PCSK5: variants seen among roughly 807,000 people sequenced by gnomAD.
PCSK5 encodes proprotein convertase subtilisin/kexin type 5.
A neutral mutation model predicts 233.2 loss-of-function variants in PCSK5; 129 were observed. The ratio of observed to expected loss-of-function variants is 0.55; its 90% confidence interval spans 0.48 to 0.64. PCSK5 has a LOEUF of 0.64. PCSK5 is among the 30% of genes least tolerant of loss of function. The pLI, the probability that PCSK5 is intolerant of heterozygous loss-of-function variation, is 0.00. For missense variants in PCSK5, 2,076 were observed against 2,430.1 expected (o/e 0.85, Z 3.06); for synonymous variants, 825 against 879.2 (o/e 0.94, Z 1.09).
chr9:76,046,653 T>C (rs7850569), intron 5 of PCSK5, among the ~76,000 whole-genome samples: 11,452 of 145,338 alleles, frequency 0.079, 1,468 homozygotes, highest in African/African-American at 0.27. Context: ...CTCTGCCTCC[T>C]GGGTTCACGG....
chr9:76,045,655 A>C (rs1587544748), intron 5 of PCSK5, among the ~76,000 whole-genome samples: 2 of 152,224 alleles, frequency 1.3e-5, no homozygotes, highest in East Asian at 3.8e-4. Flanking sequence ...CTCTTGACTA[A>C]TCAATTTAAA....
chr9:76,212,488 A>G (rs1021405364), intron 20 of PCSK5, among the ~76,000 whole-genome samples: 1 of 152,242 alleles, frequency 6.6e-6, no homozygotes, highest in South Asian at 2.1e-4. Context: ...CCATTGACAA[A>G]GTACTGCCTG....
chr9:76,149,248 G>A (rs1328327362), intron 10 of PCSK5, among the ~76,000 whole-genome samples: 1 of 152,200 alleles, frequency 6.6e-6, no homozygotes, highest in Non-Finnish European at 1.5e-5. Flanking sequence ...CCAGTGACAA[G>A]GAATAATTTT....
intron 1 of PCSK5, among the ~76,000 whole-genome samples, chr9:75,927,089 A>G (rs1823526322): frequency 6.6e-6 from 1 of 152,204 alleles, no homozygotes. Context: ...GCAATATATG[A>G]GAATTCTCAT....
intron 35 of PCSK5, among the ~76,000 whole-genome samples, chr9:76,342,218 G>A (rs534119398): frequency 1.3e-5 from 2 of 152,204 alleles, no homozygotes; most frequent in East Asian, 1.9e-4. Context: ...TAATGCATAT[G>A]TGTCACTAAT....
chr9:76,360,568 C>A lies in PCSK5; in HGVS notation c.*1646C>A, dbSNP rs1830415019. The A allele has an allele frequency of 6.6e-6, 1 of 152,072 alleles. No homozygotes were observed. 9.4% of individuals were successfully genotyped at this position (152,072 alleles called of 1,614,324 possible). On this transcript the variant is annotated 3_prime_UTR_variant, in exon 38 of 38. Coordinates refer to ENST00000674117, the MANE Select transcript of PCSK5 (RefSeq NM_001372043.1). ...ATTTTCTTTTTTTAACATAATGTAT[C>A]ACTGACACAGAAAATCTTTATGAAG...
chr9:76,134,043 G>T lies in PCSK5; in HGVS notation c.1209-66G>T. ...TTGATTTTGCTTTTTTAATTTGCTT[G>T]TGACTCTCTGCTTCCCCCATCTTTT... is the stretch of plus-strand genomic sequence containing the variant. On this transcript the variant is annotated intron_variant, in intron 9 of 37. Transcript: ENST00000674117. 3.8e-6 allele frequency: 4 copies of T among 1,043,946 alleles called. No individual in the cohort carries two copies. The Admixed American group carries it at 9.3e-5, about 24-fold the overall frequency. The allele number at this position is 1,043,946 out of a possible 1,614,324, so 64.7% of individuals were successfully genotyped here. A position where few individuals can be genotyped will look rare whatever the true frequency, so the allele number is the denominator to read the frequency against.
intron 1 of PCSK5, among the ~76,000 whole-genome samples, chr9:75,902,483 A>G (rs974821364): frequency 2.6e-5 from 4 of 152,136 alleles, no homozygotes; most frequent in Non-Finnish European, 5.9e-5. Flanking sequence ...TAAGAGTGGT[A>G]GAAGCAGAAA....
At chr9:76,028,559 C>T (rs565290992) in intron 5 of PCSK5, among the ~76,000 whole-genome samples, 7 of 152,002 alleles carry the variant, frequency 4.6e-5, no homozygotes, top group Admixed American at 6.6e-5. Context: ...GCCAGATTAC[C>T]GGTCTGGGTG....
intron 2 of PCSK5, among the ~76,000 whole-genome samples, chr9:75,933,881 AT>A (rs1823926800): frequency 6.6e-6 from 1 of 152,194 alleles, no homozygotes; most frequent in Non-Finnish European, 1.5e-5. Context: ...AACTTTGGTA[AT>A]TAAAACGACG....
At chr9:75,966,927 A>C (rs1825611436) in intron 2 of PCSK5, among the ~76,000 whole-genome samples, 1 of 152,178 alleles carries the variant, frequency 6.6e-6, no homozygotes, top group Non-Finnish European at 1.5e-5. Flanking sequence ...CTTTAACATA[A>C]AGGAGAACTA....
chr9:75,952,203 A>G (rs1016385839), intron 2 of PCSK5, among the ~76,000 whole-genome samples: 5 of 152,304 alleles, frequency 3.3e-5, no homozygotes, highest in Middle Eastern at 3.4e-3. Context: ...GTCATTAACT[A>G]TAATTCAATA....
chr9:76,115,908 G>A (rs1587647184), intron 9 of PCSK5, among the ~76,000 whole-genome samples: 1 of 152,044 alleles, frequency 6.6e-6, no homozygotes. Flanking sequence ...ACATTGTCTT[G>A]CCCTATAATT....
At chr9:76,023,117 A>G (rs558855797) in intron 3 of PCSK5, among the ~76,000 whole-genome samples, 28 of 152,320 alleles carry the variant, frequency 1.8e-4, no homozygotes, top group Non-Finnish European at 2.8e-4. Context: ...TATGATGCCT[A>G]TTTGTATGTC....
intron 5 of PCSK5, among the ~76,000 whole-genome samples, chr9:76,066,573 G>GTA (rs907642391): frequency 4.6e-5 from 7 of 151,974 alleles, no homozygotes; most frequent in Non-Finnish European, 8.8e-5. Flanking sequence ...CTTACGGTGT[G>GTA]TATATATATA....
intron 36 of PCSK5, 112 bp from the exon 37 acceptor site, chr9:76,353,921 G>A: frequency 1.4e-6 from 1 of 735,252 alleles, no homozygotes; most frequent in Non-Finnish European, 2.3e-6. Context: ...TCCTTCTGCT[G>A]TCCCCCACAC....
chr9:76,042,208 A>C (rs866537943), intron 5 of PCSK5, among the ~76,000 whole-genome samples: 1 of 152,270 alleles, frequency 6.6e-6, no homozygotes, highest in Admixed American at 6.5e-5. Flanking sequence ...AAAATATTCA[A>C]GTTTTATGGA....
intron 2 of PCSK5, among the ~76,000 whole-genome samples, chr9:75,953,614 G>A (rs1407098325): frequency 6.6e-6 from 1 of 151,404 alleles, no homozygotes; most frequent in African/African-American, 2.4e-5. Flanking sequence ...AAACAATTTG[G>A]TAGTTTTATT....
chr9:76,122,930 C>A (rs1200389785), intron 9 of PCSK5, among the ~76,000 whole-genome samples: 2 of 150,346 alleles, frequency 1.3e-5, no homozygotes, highest in Admixed American at 6.6e-5. Context: ...CTTCACCTCC[C>A]AGGTTCAAGC....
Sources: allele counts gnomAD v4.1 joint callset (sites outside exome capture counted in the v4.1 genomes callset), GRCh38; gene constraint gnomAD v4.1.1; transcripts MANE v1.5; gene names NCBI Gene and HGNC (gene_info 2026-07-23, HGNC 2026-07-21).